PKHD1: variants seen among roughly 807,000 people sequenced by gnomAD.
PKHD1 encodes the protein fibrocystin.
A neutral mutation model predicts 412.0 loss-of-function variants in PKHD1; 291 were observed. The ratio of observed to expected loss-of-function variants is 0.71; its 90% confidence interval spans 0.64 to 0.78. The LOEUF (loss-of-function observed/expected upper bound fraction) is 0.78, where lower values mean the gene tolerates loss of function less well. Among genes scored for constraint, PKHD1 ranks in the 30% least tolerant of loss-of-function variants. The pLI, the probability that PKHD1 is intolerant of heterozygous loss-of-function variation, is 0.00. For synonymous variants in PKHD1, 1,777 were observed against 1,821.5 expected, an observed-to-expected ratio of 0.98 and a Z score of 0.62; for missense variants, 4,825 against 4,950.7, an observed-to-expected ratio of 0.97 and a Z score of 0.76.
chr6:52,038,600 A>G (rs1272461074), intron 27 of PKHD1, among the ~76,000 whole-genome samples: 6 of 152,122 alleles, frequency 3.9e-5, no homozygotes, highest in Non-Finnish European at 7.4e-5. Context: ...TGACACCTTC[A>G]TCTCAGACTT....
intron 37 of PKHD1, among the ~76,000 whole-genome samples, chr6:51,919,005 T>A (rs904397182): frequency 2.0e-5 from 3 of 152,254 alleles, no homozygotes; most frequent in Non-Finnish European, 2.9e-5. Context: ...TTTGTCTAAG[T>A]TCCTTGTAGA....
chr6:51,953,674 T>A (rs1412822283), intron 36 of PKHD1, among the ~76,000 whole-genome samples: 1 of 151,920 alleles, frequency 6.6e-6, no homozygotes, highest in African/African-American at 2.4e-5. Flanking sequence ...GATGAAGGAA[T>A]TCTACAATGA....
intron 1 of PKHD1, among the ~76,000 whole-genome samples, chr6:52,085,689 T>C (rs1325797474): frequency 6.6e-6 from 1 of 152,166 alleles, no homozygotes; most frequent in Non-Finnish European, 1.5e-5. Context: ...AGACGGCACG[T>C]TCCTTGAAGA....
intron 65 of PKHD1, among the ~76,000 whole-genome samples, chr6:51,628,964 A>G (rs1767614256): frequency 2.6e-5 from 4 of 152,210 alleles, no homozygotes; most frequent in Admixed American, 2.6e-4. Context: ...AGCAATTGTG[A>G]AAGGACTCCT....
chr6:51,671,431 T>C (rs1273064290), intron 60 of PKHD1, among the ~76,000 whole-genome samples: 1 of 152,194 alleles, frequency 6.6e-6, no homozygotes, highest in African/African-American at 2.4e-5. Flanking sequence ...GTATTGGTTA[T>C]TCTAGTTATA....
chr6:51,931,503 T>C (rs895513093), intron 37 of PKHD1, among the ~76,000 whole-genome samples: 1 of 152,184 alleles, frequency 6.6e-6, no homozygotes, highest in Non-Finnish European at 1.5e-5. Flanking sequence ...GGGAAATCTG[T>C]CTGAGACCTC....
At chr6:51,970,980 G>A (rs1793588977) in intron 35 of PKHD1, among the ~76,000 whole-genome samples, 1 of 152,056 alleles carries the variant, frequency 6.6e-6, no homozygotes, top group Non-Finnish European at 1.5e-5. Flanking sequence ...TTCTAACTCT[G>A]CAAAAAATGA....
chr6:51,773,963 T>G (rs1790581507), intron 54 of PKHD1, among the ~76,000 whole-genome samples: 1 of 151,924 alleles, frequency 6.6e-6, no homozygotes, highest in East Asian at 1.9e-4. Context: ...CAATCTTTCA[T>G]AATAGCATTT....
rs547934180 is a variant in PKHD1 at position 51,900,743 on chromosome 6, A to C, written c.6996+2854T>G. Among the ~76,000 whole-genome samples the C allele has an allele frequency of 3.6e-3, 545 of 151,700 alleles. 4 individuals are homozygous for C. The highest frequency in any genetic ancestry group is 6.0e-3 in the Non-Finnish European group (406 of 67,742). On this transcript the variant is annotated intron_variant, in intron 43 of 66. Transcript: ENST00000371117. ...ATCAGAGTGAACAGGCAACCTACAA[A>C]ATGGGAGAAAATTTTCACAACCTAC... is the stretch of plus-strand genomic sequence containing the variant.
chr6:51,656,984 G>A (rs1771961669), intron 61 of PKHD1, among the ~76,000 whole-genome samples: 1 of 151,926 alleles, frequency 6.6e-6, no homozygotes, highest in Non-Finnish European at 1.5e-5. Flanking sequence ...AAAGTAGCTA[G>A]TACTCTCTTA....
At chr6:52,082,034 T>G (rs1170720491) in intron 4 of PKHD1, among the ~76,000 whole-genome samples, 1 of 152,180 alleles carries the variant, frequency 6.6e-6, no homozygotes, top group African/African-American at 2.4e-5. Flanking sequence ...GTTTGGGGTT[T>G]ATGTGCAATC....
intron 62 of PKHD1, among the ~76,000 whole-genome samples, chr6:51,648,458 C>T (rs1352955184): frequency 6.6e-6 from 1 of 152,070 alleles, no homozygotes; most frequent in Non-Finnish European, 1.5e-5. Context: ...GGGTGAGTGC[C>T]AGACCACATC....
At chr6:51,902,244 CTT>C (rs965615846) in intron 43 of PKHD1, among the ~76,000 whole-genome samples, 4 of 152,154 alleles carry the variant, frequency 2.6e-5, no homozygotes, top group Admixed American at 1.3e-4. Context: ...CATAGGAACT[CTT>C]TTATTTACGC....
chr6:51,736,475 TC>T (rs1783864862), intron 60 of PKHD1, among the ~76,000 whole-genome samples: 3 of 152,158 alleles, frequency 2.0e-5, no homozygotes, highest in African/African-American at 7.2e-5. Flanking sequence ...GGGATTAAAA[TC>T]CCTTGCAGCT....
chr6:51,934,381 G>C, intron 36 of PKHD1, 59 bp from the exon 37 acceptor site: 1 of 1,018,658 alleles, frequency 9.8e-7, no homozygotes, highest in East Asian at 2.4e-5. Context: ...CGTTTTGTCA[G>C]TTTCAATGCC....
At chr6:52,039,752 G>C (rs1458915712) in intron 27 of PKHD1, among the ~76,000 whole-genome samples, 1 of 152,006 alleles carries the variant, frequency 6.6e-6, no homozygotes, top group African/African-American at 2.4e-5. Flanking sequence ...TCCATTTTTA[G>C]GTATATACCC....
intron 50 of PKHD1, among the ~76,000 whole-genome samples, chr6:51,838,066 T>C (rs1272124760): frequency 6.6e-6 from 1 of 152,234 alleles, no homozygotes. Flanking sequence ...TTTTTTAAAA[T>C]AAGGTCTAAC....
chr6:51,688,582 C>G (rs938431232), intron 60 of PKHD1, among the ~76,000 whole-genome samples: 1 of 151,070 alleles, frequency 6.6e-6, no homozygotes, highest in Admixed American at 6.6e-5. Context: ...TAATATAGAT[C>G]ACTAGCTAAA....
At chr6:52,003,701 G>A (rs1283563256) in intron 35 of PKHD1, among the ~76,000 whole-genome samples, 1 of 152,116 alleles carries the variant, frequency 6.6e-6, no homozygotes, top group Admixed American at 6.5e-5. Context: ...CTGTTATCAG[G>A]AGAACCTTTC....
Sources: allele counts gnomAD v4.1 joint callset (sites outside exome capture counted in the v4.1 genomes callset), GRCh38; gene constraint gnomAD v4.1.1; transcripts MANE v1.5; gene names NCBI Gene and HGNC (gene_info 2026-07-23, HGNC 2026-07-21).